The following ATP6V1H variants were observed in gnomAD, a reference collection of about 807,000 sequenced individuals.
The protein encoded by ATP6V1H is V-type proton ATPase subunit H.
A neutral mutation model predicts 71.7 loss-of-function variants in ATP6V1H; 39 were observed. That is an observed-to-expected ratio of 0.54 (90% CI 0.42 to 0.71). ATP6V1H has a LOEUF of 0.71. Ranked by LOEUF, ATP6V1H falls within the 30% of genes least tolerant of loss-of-function variation. The pLI is 0.00. For missense variants in ATP6V1H, 509 were observed against 594.9 expected (o/e 0.86, Z 1.50); for synonymous variants, 192 against 199.3 (o/e 0.96, Z 0.31).
chr8:53,799,134 T>A (rs1424629468), intron 8 of ATP6V1H, among the ~76,000 whole-genome samples: 1 of 152,122 alleles, frequency 6.6e-6, no homozygotes, highest in Non-Finnish European at 1.5e-5. Context: ...CATTTTATCT[T>A]ACAATAACCC....
At chr8:53,779,788 A>T (rs781208766) in intron 9 of ATP6V1H, among the ~76,000 whole-genome samples, 6 of 152,074 alleles carry the variant, frequency 3.9e-5, no homozygotes, top group Non-Finnish European at 8.8e-5. Flanking sequence ...TTAGAAACAT[A>T]TCAAAGCTCT....
At position 53,752,395 on chromosome 8, in the gene ATP6V1H, G is replaced by A. The variant is rs552265363; in HGVS notation, c.1277+4160C>T. On this transcript the variant is annotated intron_variant, in intron 12 of 13. Transcript: ENST00000359530. ...AGTGTCTGATGAAGTGCTGAGCTGG[G>A]CTTCTGTGAGAAATCCGCATATAAC... Among the ~76,000 whole-genome samples, 336 of 152,290 alleles carry A rather than the reference G, an allele frequency of 2.2e-3. 2 individuals carry two copies. The highest frequency in any genetic ancestry group is 7.8e-3 in the African/African-American group (325 of 41,562).
At chr8:53,783,882 T>G (rs1384794487) in intron 9 of ATP6V1H, among the ~76,000 whole-genome samples, 1 of 152,214 alleles carries the variant, frequency 6.6e-6, no homozygotes, top group African/African-American at 2.4e-5. Flanking sequence ...TGAGTTCTAG[T>G]TTGATTGCAC....
At chr8:53,780,108 G>A (rs1400793470) in intron 9 of ATP6V1H, among the ~76,000 whole-genome samples, 4 of 149,362 alleles carry the variant, frequency 2.7e-5, no homozygotes, top group South Asian at 2.1e-4. Flanking sequence ...GCAGCGAGCC[G>A]AGATCATGCC....
chr8:53,819,730 T>C (rs1585824273), intron 4 of ATP6V1H, among the ~76,000 whole-genome samples: 2 of 141,496 alleles, frequency 1.4e-5, no homozygotes, highest in East Asian at 2.1e-4. Flanking sequence ...TTTGTATATA[T>C]ATAGTATATA....
intron 8 of ATP6V1H, among the ~76,000 whole-genome samples, chr8:53,801,211 C>T (rs1392572061): frequency 6.6e-6 from 1 of 150,786 alleles, no homozygotes; most frequent in Non-Finnish European, 1.5e-5. Flanking sequence ...AACCTAAACT[C>T]CTCTGTAGAT....
chr8:53,821,661 G>A (rs1057150784), intron 4 of ATP6V1H, among the ~76,000 whole-genome samples: 12 of 151,892 alleles, frequency 7.9e-5, no homozygotes, highest in East Asian at 1.9e-4. Flanking sequence ...AACTCTAGCC[G>A]AGGCAACAAA....
At chr8:53,765,451 AACAAC>A (rs1468434546) in intron 11 of ATP6V1H, among the ~76,000 whole-genome samples, 1,007 of 93,080 alleles carry the variant, frequency 0.011, 10 homozygotes, top group Non-Finnish European at 0.014. Context: ...CAACAACAAC[AACAAC>A]ACACACACAC....
intron 7 of ATP6V1H, among the ~76,000 whole-genome samples, chr8:53,809,677 T>C (rs944909945): frequency 1.6e-4 from 25 of 152,248 alleles, no homozygotes; most frequent in African/African-American, 5.5e-4. Context: ...ATTTAAGCTT[T>C]AATAACTTAA....
chr8:53,753,081 C>CT (rs201020364), intron 12 of ATP6V1H, among the ~76,000 whole-genome samples: 13,342 of 139,742 alleles, frequency 0.095, 893 homozygotes, highest in East Asian at 0.37. Context: ...GAAACCATGC[C>CT]TTTTTTTTTT....
At chr8:53,782,077 G>C (rs1277092995) in intron 9 of ATP6V1H, among the ~76,000 whole-genome samples, 2 of 152,228 alleles carry the variant, frequency 1.3e-5, no homozygotes, top group Non-Finnish European at 2.9e-5. Flanking sequence ...ATTCTCTGAA[G>C]AAAGTCATTG....
intron 5 of ATP6V1H, among the ~76,000 whole-genome samples, chr8:53,815,982 A>G (rs1244711191): frequency 2.0e-5 from 3 of 152,244 alleles, no homozygotes; most frequent in East Asian, 1.9e-4. Flanking sequence ...TTTGTTTAAT[A>G]TATTTGTCAG....
chr8:53,732,231 A>AGT lies in ATP6V1H; in HGVS notation c.1391+11344_1391+11345dup, dbSNP rs536092775. ...TTTACCCTTTCCTTCTTGTAGTGTGAGTGTTGTTTTGTCTCAAAAAATAAA... is the reference window on the plus strand; with the variant it reads ...TTTACCCTTTCCTTCTTGTAGTGTGAGTGTGTTGTTTTGTCTCAAAAAATAAA... On this transcript the variant is annotated intron_variant, in intron 13 of 13. Coordinates refer to ENST00000359530, the MANE Select transcript of ATP6V1H (RefSeq NM_015941.4). 7.4e-4 allele frequency among the ~76,000 whole-genome samples: 112 copies of AGT among 152,280 alleles called. 1 individual carries two copies. The highest frequency in any genetic ancestry group is 3.4e-3 in the Middle Eastern group (1 of 294).
chr8:53,835,439 A>G (rs1177895234), intron 2 of ATP6V1H, among the ~76,000 whole-genome samples: 1 of 152,204 alleles, frequency 6.6e-6, no homozygotes, highest in Non-Finnish European at 1.5e-5. Flanking sequence ...GAACTTGCAT[A>G]TGTCCTACTA....
intron 6 of ATP6V1H, among the ~76,000 whole-genome samples, chr8:53,811,748 C>G (rs1810282203): frequency 6.6e-6 from 1 of 152,046 alleles, no homozygotes; most frequent in Non-Finnish European, 1.5e-5. Context: ...GCTGAAAGTG[C>G]AAGAGAAAAG....
intron 12 of ATP6V1H, among the ~76,000 whole-genome samples, chr8:53,755,502 G>T (rs1020733352): frequency 7.0e-6 from 1 of 142,890 alleles, no homozygotes; most frequent in Non-Finnish European, 1.5e-5. Flanking sequence ...ATTAGGTTAC[G>T]GGGGGTGGGG....
chr8:53,820,294 A>C (rs1406243976), intron 4 of ATP6V1H, among the ~76,000 whole-genome samples: 2 of 152,032 alleles, frequency 1.3e-5, no homozygotes, highest in African/African-American at 2.4e-5. Flanking sequence ...AGGTTTAAAA[A>C]AAAAGAAGAA....
intron 9 of ATP6V1H, among the ~76,000 whole-genome samples, chr8:53,782,552 G>C (rs1037498537): frequency 1.2e-4 from 19 of 152,042 alleles, no homozygotes; most frequent in Admixed American, 1.0e-3. Context: ...CTGCCTGATT[G>C]CCCTGGCCAT....
Position 53,829,440 on chromosome 8 carries a change from C to T in ATP6V1H, c.306+4G>A, listed in dbSNP as rs1324009447. ...CAAATGTGTTAAGTAAAGAATATAC[C>T]TACCTGCAGCATATCATCCACCATA... is the stretch of plus-strand genomic sequence containing the variant. On this transcript the variant is annotated splice_donor_region_variant and intron_variant, in intron 4 of 13. Transcript: ENST00000359530. The T allele has an allele frequency of 6.9e-6, 11 of 1,591,690 alleles. No individual in the cohort carries two copies. In the Admixed American group the frequency reaches 1.4e-4, roughly 20 times the overall value.
Sources: allele counts gnomAD v4.1 joint callset (sites outside exome capture counted in the v4.1 genomes callset), GRCh38; gene constraint gnomAD v4.1.1; transcripts MANE v1.5; gene names NCBI Gene and HGNC (gene_info 2026-07-23, HGNC 2026-07-21).